Variants in PCDH9 observed in about 807,000 individuals in gnomAD.
PCDH9 encodes the protein protocadherin 9, also known as protocadherin-9.
A neutral mutation model predicts 70.6 loss-of-function variants in PCDH9; 24 were observed. The ratio of observed to expected loss-of-function variants is 0.34; its 90% CI spans 0.25 to 0.48. PCDH9 has a LOEUF of 0.48. PCDH9 is among the 20% of genes least tolerant of loss of function. The pLI, the probability that PCDH9 is intolerant of heterozygous loss-of-function variation, is 0.99. For missense variants in PCDH9, 1,281 were observed against 1,503.6 expected (o/e 0.85, Z 2.45); for synonymous variants, 562 against 558.5 (o/e 1.01, Z -0.09).
chr13:67,030,851 A>G lies in PCDH9; in HGVS notation c.3037-127246T>C, dbSNP rs542879551. Reference sequence around the variant, plus strand: ...AGTAAAAAGTAGTAGGTATGAGAAGATCTAAAGCACCCAAACTCCTAAAGT... The same window carrying G: ...AGTAAAAAGTAGTAGGTATGAGAAGGTCTAAAGCACCCAAACTCCTAAAGT... On this transcript the variant is annotated intron_variant, in intron 2 of 4. Coordinates refer to ENST00000377865, the MANE Select transcript of PCDH9 (RefSeq NM_203487.3). Among the ~76,000 whole-genome samples, 5 of 152,302 alleles carry G rather than the reference A, an allele frequency of 3.3e-5. No homozygotes were observed. The East Asian group carries it at 9.7e-4, about 29-fold the overall frequency.
In PCDH9 at chr13:67,227,758, C is replaced by T; in HGVS notation, c.683G>A (p.Gly228Asp). 6.2e-7 allele frequency: 1 copy of T among 1,613,192 alleles called. No individual in the cohort carries two copies. Among genetic ancestry groups the T allele is most frequent in the South Asian group, 1.1e-5 (1 of 91,060 alleles). ...YVMKIKVEDGGTPQKSSTAIL... is the reference protein window; with the variant it reads ...YVMKIKVEDGDTPQKSSTAIL... ...GGCCGTACTGGATTTCTGTGGAGTG[C>T]CTCCATCCTCTACTTTGATTTTCAT... is the stretch of plus-strand genomic sequence containing the variant. Residue 228 changes from glycine to aspartate, a missense_variant, in exon 2 of 5, where the codon GGC (glycine) becomes GAC (aspartate). Physicochemically the swap from Gly to Asp is moderately conservative, Grantham distance 94. This residue lies in a region of PCDH9 where 798 missense variants were observed against 1,003.1 expected (regional missense o/e 0.80). Transcript: ENST00000377865. This position sits in a 1 kb window ranked among gnomAD's most constrained non-coding sequence, Gnocchi z 4.6.
intron 3 of PCDH9, among the ~76,000 whole-genome samples, chr13:66,653,506 C>T (rs961663098): frequency 1.3e-5 from 2 of 151,898 alleles, no homozygotes; most frequent in Non-Finnish European, 2.9e-5. Flanking sequence ...AAAAGACAGG[C>T]CATAACAAAA....
At chr13:66,386,167 C>A (rs970834285) in intron 4 of PCDH9, among the ~76,000 whole-genome samples, 1 of 152,064 alleles carries the variant, frequency 6.6e-6, no homozygotes, top group Non-Finnish European at 1.5e-5. Context: ...CACTGTTCAA[C>A]AATAATACTA....
intron 2 of PCDH9, among the ~76,000 whole-genome samples, chr13:67,174,530 G>A (rs1434706481): frequency 3.9e-5 from 6 of 152,100 alleles, no homozygotes; most frequent in Admixed American, 2.0e-4. Flanking sequence ...AGGTGAGCAC[G>A]AGTGACGTGA....
chr13:66,994,042 C>T (rs1042201508), intron 2 of PCDH9, among the ~76,000 whole-genome samples: 11 of 152,004 alleles, frequency 7.2e-5, no homozygotes, highest in Non-Finnish European at 1.2e-4. Flanking sequence ...ACTGATGTAG[C>T]CTAGTAATGA....
chr13:66,360,943 AT>A (rs377325895), intron 4 of PCDH9, among the ~76,000 whole-genome samples: 22 of 152,162 alleles, frequency 1.4e-4, no homozygotes, highest in Non-Finnish European at 1.2e-4. Flanking sequence ...AGCTGAGCTA[AT>A]TTTTTTATGG....
intron 4 of PCDH9, among the ~76,000 whole-genome samples, chr13:66,455,083 AAAAAT>A (rs763662138): frequency 7.9e-5 from 12 of 152,280 alleles, no homozygotes; most frequent in Admixed American, 3.9e-4. Flanking sequence ...GTTATACAGA[AAAAAT>A]AAAAACAAAA....
chr13:66,824,753 C>T (rs867470592), intron 3 of PCDH9, among the ~76,000 whole-genome samples: 2 of 143,024 alleles, frequency 1.4e-5, no homozygotes, highest in Non-Finnish European at 3.0e-5. Context: ...CACACACATA[C>T]ATATAAGTCC....
chr13:66,872,420 T>C (rs934794220), intron 3 of PCDH9, among the ~76,000 whole-genome samples: 1 of 152,048 alleles, frequency 6.6e-6, no homozygotes, highest in African/African-American at 2.4e-5. Flanking sequence ...GCTGTGCTCA[T>C]GTCTTCAGCA....
chr13:67,154,117 C>G (rs920454197), intron 2 of PCDH9, among the ~76,000 whole-genome samples: 1 of 151,994 alleles, frequency 6.6e-6, no homozygotes, highest in Admixed American at 6.6e-5. Flanking sequence ...AAAAACAGTA[C>G]ATGTATATAA....
intron 4 of PCDH9, among the ~76,000 whole-genome samples, chr13:66,435,074 G>A (rs895332215): frequency 7.2e-5 from 11 of 152,102 alleles, no homozygotes; most frequent in South Asian, 2.1e-4. Context: ...AAGGTGCAAA[G>A]GGCTTCATTA....
intron 3 of PCDH9, among the ~76,000 whole-genome samples, chr13:66,692,829 G>A (rs1332803760): frequency 1.3e-5 from 2 of 151,816 alleles, no homozygotes; most frequent in African/African-American, 4.8e-5. Flanking sequence ...AATTATATAC[G>A]AATCTATCAC....
intron 4 of PCDH9, among the ~76,000 whole-genome samples, chr13:66,350,452 A>G (rs1411204046): frequency 2.0e-5 from 3 of 152,282 alleles, no homozygotes; most frequent in Non-Finnish European, 4.4e-5. Context: ...AGTTACAACT[A>G]CTAGGTACTG....
At chr13:66,615,928 C>T (rs1353798305) in intron 4 of PCDH9, among the ~76,000 whole-genome samples, 1 of 152,126 alleles carries the variant, frequency 6.6e-6, no homozygotes, top group Non-Finnish European at 1.5e-5. Context: ...GGCATCAGTG[C>T]AATAAGGATC....
At chr13:66,338,860 G>A (rs1956080117) in intron 4 of PCDH9, among the ~76,000 whole-genome samples, 1 of 140,698 alleles carries the variant, frequency 7.1e-6, no homozygotes, top group African/African-American at 2.6e-5. Context: ...CTGCAGAGAT[G>A]AAGTATTCTC....
At chr13:66,482,502 G>T (rs1958860233) in intron 4 of PCDH9, among the ~76,000 whole-genome samples, 2 of 152,146 alleles carry the variant, frequency 1.3e-5, no homozygotes, top group South Asian at 4.1e-4. Flanking sequence ...GAAATTCAGT[G>T]TCTCAAAAAA....
At chr13:66,816,816 T>C (rs1168105408) in intron 3 of PCDH9, among the ~76,000 whole-genome samples, 3 of 151,554 alleles carry the variant, frequency 2.0e-5, no homozygotes, top group Admixed American at 6.6e-5. Context: ...TCCCCGTGGA[T>C]TGAAATTATG....
chr13:66,840,425 AG>A (rs2081097154), intron 3 of PCDH9, among the ~76,000 whole-genome samples: 1 of 151,810 alleles, frequency 6.6e-6, no homozygotes, highest in Non-Finnish European at 1.5e-5. Context: ...TGTTTATGTA[AG>A]GTTAATTATT....
intron 4 of PCDH9, among the ~76,000 whole-genome samples, chr13:66,357,725 T>C (rs539723444): frequency 6.6e-6 from 1 of 152,190 alleles, no homozygotes; most frequent in South Asian, 2.1e-4. Flanking sequence ...CAATGTTTCT[T>C]TGATTGCCAA....
Sources: gnomAD v4.1 joint callset for allele counts (sites outside exome capture counted in the v4.1 genomes callset) on GRCh38, gnomAD v4.1.1 for gene constraint, gnomAD v4.1.1 regional missense constraint, Gnocchi (gnomAD v3.1) non-coding constraint, MANE v1.5 for transcripts, NCBI Gene and HGNC (gene_info 2026-07-23, HGNC 2026-07-21) for gene names.